PPP3CA: variants seen among roughly 807,000 people sequenced by gnomAD.
The protein encoded by PPP3CA is protein phosphatase 3 catalytic subunit alpha.
Under a neutral mutation model 66.5 loss-of-function variants are expected in PPP3CA, and 14 were observed. The ratio of observed to expected loss-of-function variants is 0.21; its 90% CI spans 0.14 to 0.33. The LOEUF is 0.33. Ranked by LOEUF, PPP3CA falls within the 10% of genes least tolerant of loss-of-function variation. The pLI is 1.00. For synonymous variants in PPP3CA, 232 were observed against 226.2 expected (o/e 1.03, Z -0.23); for missense variants, 317 against 639.5 (o/e 0.50, Z 5.44).
In PPP3CA at chr4:101,125,660, T is replaced by C. The variant is rs150711889; in HGVS notation, c.260-16582A>G. On this transcript the variant is annotated intron_variant, in intron 2 of 13. Transcript: ENST00000394854. ...ATTTTTTAAGAAGTAAAAACTCTTATATATTTCTCTTTATCATAAAGATCA... is the reference window on the plus strand; with the variant it reads ...ATTTTTTAAGAAGTAAAAACTCTTACATATTTCTCTTTATCATAAAGATCA... Among the ~76,000 whole-genome samples the C allele has an allele frequency of 3.8e-3, 586 of 152,328 alleles. 5 individuals carry two copies. Among genetic ancestry groups the C allele is most frequent in the Non-Finnish European group, 5.3e-3 (360 of 68,030 alleles).
At chr4:101,085,830 G>A (rs1451729689) in intron 6 of PPP3CA, among the ~76,000 whole-genome samples, 8 of 147,182 alleles carry the variant, frequency 5.4e-5, no homozygotes, top group Admixed American at 4.1e-4. Flanking sequence ...AAAGCACTGC[G>A]TATATACACA....
intron 1 of PPP3CA, among the ~76,000 whole-genome samples, chr4:101,315,773 C>T (rs753877192): frequency 8.5e-5 from 13 of 152,198 alleles, no homozygotes; most frequent in Non-Finnish European, 1.5e-4. Flanking sequence ...CTACTCCATG[C>T]AGGCATGTCC....
chr4:101,033,529 A>G (rs1025887337), intron 11 of PPP3CA, among the ~76,000 whole-genome samples: 1 of 152,182 alleles, frequency 6.6e-6, no homozygotes, highest in African/African-American at 2.4e-5. Context: ...CTAATTCTAT[A>G]TCCATTATAT....
chr4:101,203,811 T>A (rs1725043361), intron 1 of PPP3CA, among the ~76,000 whole-genome samples: 1 of 152,156 alleles, frequency 6.6e-6, no homozygotes, highest in Admixed American at 6.5e-5. Flanking sequence ...ACTACTTTAA[T>A]TTTTGATATT....
chr4:101,213,993 C>T (rs1435747055), intron 1 of PPP3CA, among the ~76,000 whole-genome samples: 3 of 152,150 alleles, frequency 2.0e-5, no homozygotes, highest in Non-Finnish European at 2.9e-5. Context: ...CTCCCATCTT[C>T]CCCCCACTTT....
At chr4:101,096,960 T>C (rs1730224015) in intron 5 of PPP3CA, among the ~76,000 whole-genome samples, 2 of 152,212 alleles carry the variant, frequency 1.3e-5, no homozygotes, top group South Asian at 2.1e-4. Context: ...AAAAAAACAA[T>C]TAAATGGCAA....
chr4:101,115,670 C>T (rs572168480), intron 2 of PPP3CA, among the ~76,000 whole-genome samples: 1 of 151,876 alleles, frequency 6.6e-6, no homozygotes, highest in Admixed American at 6.6e-5. Context: ...AACTCTGATA[C>T]AGCTGTCACC....
At chr4:101,132,018 A>G (rs1722459053) in intron 2 of PPP3CA, among the ~76,000 whole-genome samples, 1 of 152,216 alleles carries the variant, frequency 6.6e-6, no homozygotes, top group Non-Finnish European at 1.5e-5. Context: ...GTAAATAACC[A>G]AATGAAGGCA....
chr4:101,238,637 A>G (rs952994602), intron 1 of PPP3CA, among the ~76,000 whole-genome samples: 10 of 152,114 alleles, frequency 6.6e-5, no homozygotes, highest in African/African-American at 2.4e-4. Context: ...TTAAAAGTGC[A>G]TATCTTAAAG....
At chr4:101,171,208 G>A (rs1045884667) in intron 2 of PPP3CA, 14 of 455,812 alleles carry the variant, frequency 3.1e-5, no homozygotes, top group African/African-American at 6.0e-5. Flanking sequence ...TGTGTGAATC[G>A]GGGTCATCTG....
intron 2 of PPP3CA, among the ~76,000 whole-genome samples, chr4:101,133,015 T>C (rs1466235964): frequency 2.0e-5 from 3 of 151,412 alleles, no homozygotes; most frequent in African/African-American, 4.9e-5. Flanking sequence ...ATTATTTCAA[T>C]AGATGCAAAA....
intron 2 of PPP3CA, 149 bp from the exon 3 acceptor site, chr4:101,109,227 T>G (rs1721570851): frequency 1.1e-6 from 1 of 869,890 alleles, no homozygotes; most frequent in Admixed American, 3.1e-5. Flanking sequence ...ACAGAAAAGC[T>G]AAGTATTTTG....
At chr4:101,029,770 G>A (rs1318051196) in intron 12 of PPP3CA, among the ~76,000 whole-genome samples, 1 of 150,530 alleles carries the variant, frequency 6.6e-6, no homozygotes, top group Non-Finnish European at 1.5e-5. Flanking sequence ...GATAATGGAT[G>A]TGACTCTTTA....
intron 3 of PPP3CA, 29 bp from the exon 4 acceptor site, chr4:101,099,751 A>G: frequency 8.1e-7 from 1 of 1,240,848 alleles, no homozygotes; most frequent in Non-Finnish European, 1.1e-6. Flanking sequence ...ATATAAAAAT[A>G]AATATTTTTC....
At chr4:101,207,241 C>T (rs1026418633) in intron 1 of PPP3CA, among the ~76,000 whole-genome samples, 1 of 152,098 alleles carries the variant, frequency 6.6e-6, no homozygotes, top group African/African-American at 2.4e-5. Context: ...GAAAGCAGTT[C>T]AAATATTTCC....
chr4:101,184,400 T>C (rs1724341360), intron 2 of PPP3CA, among the ~76,000 whole-genome samples: 1 of 152,174 alleles, frequency 6.6e-6, no homozygotes, highest in African/African-American at 2.4e-5. Context: ...ACTGTGCTAA[T>C]ATGGTAGCTA....
At chr4:101,312,281 T>C (rs576641558) in intron 1 of PPP3CA, among the ~76,000 whole-genome samples, 1 of 152,268 alleles carries the variant, frequency 6.6e-6, no homozygotes, top group Admixed American at 6.5e-5. Context: ...CAGATGTTCC[T>C]CTACTTACAA....
chr4:101,324,123 A>AAAGGAAGGG lies in PPP3CA; in HGVS notation c.58+22607_58+22615dup, dbSNP rs1264150227. 2.6e-3 allele frequency among the ~76,000 whole-genome samples: 352 copies of AAAGGAAGGG among 137,606 alleles called. 14 individuals are homozygous for AAAGGAAGGG. The highest frequency in any genetic ancestry group is 0.011 in the African/African-American group (333 of 31,076). 90.3% of individuals were successfully genotyped at this position (137,606 alleles called of 152,430 possible). On this transcript the variant is annotated intron_variant, in intron 1 of 13. Transcript: ENST00000394854. Reference sequence around the variant, plus strand: ...ACAAAAGAAAGAAAGAAAAGAAAAGAAAGGAAGGGAAGGAAGGGAAGGAAG... The same window carrying AAAGGAAGGG: ...ACAAAAGAAAGAAAGAAAAGAAAAGAAAGGAAGGGAAGGAAGGGAAGGAAGGGAAGGAAG...
intron 10 of PPP3CA, among the ~76,000 whole-genome samples, chr4:101,042,959 C>T (rs1343215304): frequency 6.6e-6 from 1 of 152,010 alleles, no homozygotes; most frequent in Non-Finnish European, 1.5e-5. Context: ...CCTACCTCAA[C>T]TGACCTGTGA....
Sources: gnomAD v4.1 joint callset for allele counts (sites outside exome capture counted in the v4.1 genomes callset) on GRCh38, gnomAD v4.1.1 for gene constraint, MANE v1.5 for transcripts, NCBI Gene and HGNC (gene_info 2026-07-23, HGNC 2026-07-21) for gene names.